GREB1L: variants seen among roughly 807,000 people sequenced by gnomAD.
GREB1L encodes the protein GREB1-like protein.
GREB1L carries 17 observed loss-of-function variants against 200.8 expected under a neutral mutation model. That is an observed-to-expected ratio of 0.08 (90% CI 0.06 to 0.13). GREB1L has a LOEUF of 0.13. Ranked by LOEUF, GREB1L falls within the 10% of genes least tolerant of loss-of-function variation. The pLI is 1.00. For synonymous variants in GREB1L, 789 were observed against 893.0 expected (o/e 0.88, Z 2.08); for missense variants, 1,657 against 2,367.7 (o/e 0.70, Z 6.23).
chr18:21,408,106 A>G (rs1252846582), intron 7 of GREB1L, among the ~76,000 whole-genome samples: 2 of 152,156 alleles, frequency 1.3e-5, no homozygotes, highest in African/African-American at 4.8e-5. Flanking sequence ...TAGCTAGAAG[A>G]GAAGATTTGA....
At chr18:21,323,260 C>T (rs530489649) in intron 1 of GREB1L, among the ~76,000 whole-genome samples, 4 of 152,032 alleles carry the variant, frequency 2.6e-5, no homozygotes, top group African/African-American at 9.6e-5. Flanking sequence ...GTACCCCAGC[C>T]TGGGTGACAG....
At chr18:21,312,044 A>G (rs1286282198) in intron 1 of GREB1L, among the ~76,000 whole-genome samples, 4 of 152,014 alleles carry the variant, frequency 2.6e-5, no homozygotes, top group Admixed American at 6.6e-5. Flanking sequence ...ATGAGTTCTC[A>G]TCATTTAGCT....
chr18:21,485,344 C>G (rs980866515), intron 17 of GREB1L: 3 of 290,024 alleles, frequency 1.0e-5, no homozygotes, highest in African/African-American at 6.6e-5. Flanking sequence ...TTGTGTATCC[C>G]AACAAAAAAA....
intron 7 of GREB1L, among the ~76,000 whole-genome samples, chr18:21,426,472 A>G (rs990613448): frequency 6.6e-6 from 1 of 152,136 alleles, no homozygotes; most frequent in African/African-American, 2.4e-5. Context: ...TAACCCCTTG[A>G]ATTTTCTTGG....
intron 1 of GREB1L, among the ~76,000 whole-genome samples, chr18:21,242,908 A>T (rs1334097637): frequency 1.3e-5 from 2 of 151,982 alleles, no homozygotes; most frequent in Admixed American, 6.5e-5. Context: ...CGGGGAGAGG[A>T]TGGATGGAGT....
intron 7 of GREB1L, among the ~76,000 whole-genome samples, chr18:21,430,395 C>G (rs1258231169): frequency 2.0e-5 from 3 of 151,112 alleles, no homozygotes; most frequent in Non-Finnish European, 4.4e-5. Context: ...TGTTGATTCA[C>G]TCAAAAAACA....
chr18:21,417,470 C>T (rs866866801), intron 7 of GREB1L, among the ~76,000 whole-genome samples: 20 of 151,580 alleles, frequency 1.3e-4, no homozygotes, highest in Admixed American at 4.6e-4. Flanking sequence ...GCCAAGATCG[C>T]GCCACTGCAC....
Position 21,523,626 on chromosome 18 carries a change from AG to A in GREB1L, c.*806del. 6.6e-6 allele frequency: 1 copy of A among 152,242 alleles called. No individual in the cohort carries two copies. Among genetic ancestry groups the A allele is most frequent in the Non-Finnish European group, 1.5e-5 (1 of 68,050 alleles). The allele number at this position is 152,242 out of a possible 1,614,324, so 9.4% of individuals were successfully genotyped here. A position where few individuals can be genotyped will look rare whatever the true frequency, so the allele number is the denominator to read the frequency against. ...CTTTTGCAAGAACTTAAGTCAGTTA[AG>A]AAGCTTTCAGCAGGTAACCTGCACC... On this transcript the variant is annotated 3_prime_UTR_variant, in exon 33 of 33. Transcript: ENST00000424526.
At chr18:21,401,350 G>T in intron 6 of GREB1L, 24 bp downstream of exon 6, 1 of 1,536,486 alleles carries the variant, frequency 6.5e-7, no homozygotes, top group Non-Finnish European at 8.8e-7. Flanking sequence ...AGGAAGAAAA[G>T]GGGAGGGAAT....
intron 27 of GREB1L, among the ~76,000 whole-genome samples, chr18:21,511,861 C>T (rs2146058958): frequency 6.6e-6 from 1 of 152,258 alleles, no homozygotes; most frequent in East Asian, 1.9e-4. Flanking sequence ...TCAGGCTGCT[C>T]TCAAACTGCT....
At chr18:21,411,774 G>A (rs1471214966) in intron 7 of GREB1L, among the ~76,000 whole-genome samples, 5 of 151,450 alleles carry the variant, frequency 3.3e-5, no homozygotes, top group Non-Finnish European at 2.9e-5. Context: ...GGCCGGGCGC[G>A]GTGGCTCACG....
At chr18:21,375,468 C>T (rs1382649288) in intron 2 of GREB1L, among the ~76,000 whole-genome samples, 1 of 152,142 alleles carries the variant, frequency 6.6e-6, no homozygotes, top group Non-Finnish European at 1.5e-5. Context: ...GTTAAAATTT[C>T]CTTTTCAGCC....
intron 20 of GREB1L, 85 bp from the exon 21 acceptor site, chr18:21,496,369 G>T (rs991788877): frequency 3.7e-5 from 52 of 1,417,452 alleles, no homozygotes; most frequent in Non-Finnish European, 4.3e-5. Flanking sequence ...TAACTGCTGT[G>T]TGTTGCATCC....
rs2035742712 is a variant in GREB1L at position 21,477,359 on chromosome 18, G to A, written c.2556+3G>A. 1 of 1,539,448 alleles carries A rather than the reference G, an allele frequency of 6.5e-7. No homozygotes were observed. Among genetic ancestry groups the A allele is most frequent in the South Asian group, 1.2e-5 (1 of 82,440 alleles). On this transcript the variant is annotated splice_donor_region_variant and intron_variant, in intron 17 of 32. Transcript: ENST00000424526. ...ACTGGATACAGCTGGATACTGGGGT[G>A]AGTCTCTTGCCTGCTGTCTGATACA... is the stretch of plus-strand genomic sequence containing the variant.
intron 1 of GREB1L, among the ~76,000 whole-genome samples, chr18:21,305,417 A>G (rs1349268520): frequency 6.6e-6 from 1 of 150,768 alleles, no homozygotes; most frequent in East Asian, 1.9e-4. Context: ...CTCCATTTCA[A>G]CCCCCTTTCA....
At position 21,473,160 on chromosome 18, in the gene GREB1L, CG is replaced by C; in HGVS notation, c.2313del (p.Tyr772ThrfsTer6). ...TTTATGAGGAGAGTGAAACAGAACC[CG>C]TACACACTGTTTGTGCTAGTTCATG... Reference protein sequence around the residue: ...EVFMRRVKQNPYTLFVLVHDN... With the variant: ...EVFMRRVKQNXYTLFVLVHDN... On this transcript the variant is annotated frameshift_variant, in exon 16 of 33. Coordinates refer to ENST00000424526, the MANE Select transcript of GREB1L (RefSeq NM_001142966.3). LOFTEE classifies it high-confidence loss of function. 2 of 1,549,292 alleles carry C rather than the reference CG, an allele frequency of 1.3e-6. No individual in the cohort carries two copies. Among genetic ancestry groups the C allele is most frequent in the Non-Finnish European group, 8.7e-7 (1 of 1,145,740 alleles).
intron 7 of GREB1L, among the ~76,000 whole-genome samples, chr18:21,421,768 C>A (rs150154675): frequency 6.6e-6 from 1 of 152,096 alleles, no homozygotes; most frequent in African/African-American, 2.4e-5. Flanking sequence ...TAAGAGGTAA[C>A]GAGTGGCAAA....
chr18:21,494,636 A>G (rs1245979791), intron 19 of GREB1L, among the ~76,000 whole-genome samples: 1 of 152,078 alleles, frequency 6.6e-6, no homozygotes, highest in African/African-American at 2.4e-5. Context: ...AAAAAATTGT[A>G]TGTATTACTT....
intron 15 of GREB1L, chr18:21,468,646 G>A (rs1199384263): frequency 6.6e-6 from 3 of 453,426 alleles, no homozygotes; most frequent in African/African-American, 4.0e-5. Context: ...AATTATCAGA[G>A]CAGGAACTCA....
Sources: allele counts gnomAD v4.1 joint callset (sites outside exome capture counted in the v4.1 genomes callset), GRCh38; gene constraint gnomAD v4.1.1; transcripts MANE v1.5; gene names NCBI Gene and HGNC (gene_info 2026-07-23, HGNC 2026-07-21).